Variants in GPR149 observed in about 807,000 individuals in gnomAD.
GPR149 encodes probable G protein-coupled receptor 149.
In GPR149, 50 loss-of-function variants were observed where a neutral mutation model predicts 50.2. The observed-to-expected ratio is 1.00, with a 90% CI of 0.79 to 1.26. The LOEUF is 1.26. Among genes scored for constraint, GPR149 ranks in the 50% most tolerant of loss-of-function variants. GPR149 has a pLI of 0.00. For missense variants in GPR149, 983 were observed against 895.4 expected (o/e 1.10, Z -1.25); for synonymous variants, 405 against 358.2 (o/e 1.13, Z -1.48).
Position 154,428,730 on chromosome 3 carries a change from G to C in GPR149, c.886C>G (p.Leu296Val). ...ACGGTGAAGCTCCTGGTGCCATAGA[G>C]AGTCCCCCGGTTCTCACGCCTGCAG... Reference protein sequence around the residue: ...EACRRENRGTLYGTRSFTVSV... With the variant: ...EACRRENRGTVYGTRSFTVSV... The change falls in exon 1 of 4, where the codon CTC becomes GTC. Residue 296 changes from leucine to valine, a missense_variant. Coordinates refer to ENST00000389740, the MANE Select transcript of GPR149 (RefSeq NM_001038705.3). 1.9e-6 allele frequency: 3 copies of C among 1,614,100 alleles called. No homozygotes were observed. Among genetic ancestry groups the C allele is most frequent in the Non-Finnish European group, 2.5e-6 (3 of 1,180,030 alleles).
intron 3 of GPR149, 102 bp from the exon 4 acceptor site, chr3:154,338,373 C>A: frequency 1.1e-6 from 1 of 922,122 alleles, no homozygotes. Context: ...TTTTCTATTT[C>A]AGATCCATTT....
intron 3 of GPR149, among the ~76,000 whole-genome samples, chr3:154,379,053 ACAAGG>A (rs1714860356): frequency 1.2e-4 from 1 of 8,626 alleles, no homozygotes. Flanking sequence ...ATCCTGGCTA[ACAAGG>A]TGAAACCCCG....
intron 3 of GPR149, chr3:154,354,168 C>T: frequency 2.0e-6 from 1 of 493,048 alleles, no homozygotes; most frequent in Non-Finnish European, 3.9e-6. Flanking sequence ...GCATCCAGGT[C>T]ATCTATAACA....
At chr3:154,415,815 A>G (rs1339760853) in intron 3 of GPR149, among the ~76,000 whole-genome samples, 1 of 151,938 alleles carries the variant, frequency 6.6e-6, no homozygotes, top group Admixed American at 6.6e-5. Flanking sequence ...TTGTACTTTT[A>G]AAAAACTAGG....
At position 154,429,228 on chromosome 3, in the gene GPR149, T is replaced by G. The variant is rs758595092; in HGVS notation, c.388A>C (p.Asn130His). ...NLKATLLVSY[N>H]FYTMHRGVGS... ...ACACCTCTGTGCATCGTATAAAAGTTGTAAGAGACTAGGAGAGTCGCCTTC... is the reference window on the plus strand; with the variant it reads ...ACACCTCTGTGCATCGTATAAAAGTGGTAAGAGACTAGGAGAGTCGCCTTC... Residue 130 changes from asparagine (N) to histidine (H), a missense_variant, in exon 1 of 4, where the codon AAC becomes CAC. Asn to His is a moderately conservative substitution (Grantham distance 68). Transcript: ENST00000389740. 15 of 1,614,038 alleles carry G rather than the reference T, an allele frequency of 9.3e-6. No homozygotes were observed. In the Admixed American group the frequency reaches 2.5e-4, roughly 27 times the overall value.
In GPR149 at chr3:154,428,740, G is replaced by C. The variant is rs752957163; in HGVS notation, c.876C>G (p.Asn292Lys). 1.2e-6 allele frequency: 2 copies of C among 1,614,074 alleles called. No individual in the cohort carries two copies. Among genetic ancestry groups the C allele is most frequent in the East Asian group, 4.5e-5 (2 of 44,854 alleles). ...TCCTGGTGCCATAGAGAGTCCCCCG[G>C]TTCTCACGCCTGCAGGCTTCAGCCC... ...AAGAEACRRE[N>K]RGTLYGTRSF... Residue 292 changes from asparagine (N) to lysine (K), a missense_variant, in exon 1 of 4, where the codon AAC becomes AAG. Physicochemically the swap from Asn to Lys is moderately conservative, Grantham distance 94. Coordinates refer to ENST00000389740, the MANE Select transcript of GPR149 (RefSeq NM_001038705.3).
At chr3:154,381,360 T>C (rs1463149306) in intron 3 of GPR149, among the ~76,000 whole-genome samples, 3 of 152,148 alleles carry the variant, frequency 2.0e-5, no homozygotes, top group Non-Finnish European at 4.4e-5. Context: ...TTGCTCCTCA[T>C]ATACTTGCTT....
intron 3 of GPR149, among the ~76,000 whole-genome samples, chr3:154,361,180 T>C (rs988100685): frequency 1.3e-5 from 2 of 152,272 alleles, no homozygotes; most frequent in South Asian, 2.1e-4. Context: ...TAACTGAAAA[T>C]TCTAGTGGTA....
In GPR149 at chr3:154,335,949, AT is replaced by A. The variant is rs776323848; in HGVS notation, c.*1749del. 22 of 152,136 alleles carry A rather than the reference AT, an allele frequency of 1.4e-4. No homozygotes were observed. Among genetic ancestry groups the A allele is most frequent in the Non-Finnish European group, 2.6e-4 (18 of 67,954 alleles). 9.4% of individuals were successfully genotyped at this position (152,136 alleles called of 1,614,324 possible). A position where few individuals can be genotyped will look rare whatever the true frequency, so the allele number is the denominator to read the frequency against. ...ATCTTCTACAAAGCATTATGAGAAT[AT>A]TCAATTCAATTTTTCTTTTATAAAG... On this transcript the variant is annotated 3_prime_UTR_variant, in exon 4 of 4. Coordinates refer to ENST00000389740, the MANE Select transcript of GPR149 (RefSeq NM_001038705.3).
chr3:154,388,963 C>T (rs1343002818), intron 3 of GPR149, among the ~76,000 whole-genome samples: 1 of 151,540 alleles, frequency 6.6e-6, no homozygotes, highest in Non-Finnish European at 1.5e-5. Context: ...GGAGTTAATC[C>T]AGGTGAGGAG....
chr3:154,338,383 TC>T (rs1713707818), intron 3 of GPR149, 112 bp from the exon 4 acceptor site: 1 of 851,770 alleles, frequency 1.2e-6, no homozygotes, highest in Non-Finnish European at 1.7e-6. Flanking sequence ...CAGATCCATT[TC>T]CCTAGAAACA....
chr3:154,382,206 G>T (rs1030562107), intron 3 of GPR149, among the ~76,000 whole-genome samples: 12 of 152,182 alleles, frequency 7.9e-5, no homozygotes, highest in Non-Finnish European at 1.3e-4. Flanking sequence ...CACCAGTGAT[G>T]CTGAGCAGGA....
At chr3:154,392,062 T>G (rs1393072222) in intron 3 of GPR149, among the ~76,000 whole-genome samples, 5 of 151,384 alleles carry the variant, frequency 3.3e-5, no homozygotes, top group Non-Finnish European at 5.9e-5. Context: ...AATATGATAA[T>G]TGTGAGAGAC....
chr3:154,358,496 A>G (rs1397295043), intron 3 of GPR149, among the ~76,000 whole-genome samples: 1 of 152,166 alleles, frequency 6.6e-6, no homozygotes, highest in Non-Finnish European at 1.5e-5. Flanking sequence ...CCCCAAAGAA[A>G]TTACAGATCC....
chr3:154,394,180 G>C (rs1459178350), intron 3 of GPR149, among the ~76,000 whole-genome samples: 1 of 152,060 alleles, frequency 6.6e-6, no homozygotes, highest in African/African-American at 2.4e-5. Context: ...CAAGGCTATA[G>C]TAATTTAAAC....
chr3:154,351,217 T>C (rs565122402), intron 3 of GPR149, among the ~76,000 whole-genome samples: 2 of 142,040 alleles, frequency 1.4e-5, no homozygotes, highest in South Asian at 4.5e-4. Flanking sequence ...CACTCAAATA[T>C]ACCCAACTGA....
chr3:154,341,043 G>A (rs993613818), intron 3 of GPR149, among the ~76,000 whole-genome samples: 2 of 151,924 alleles, frequency 1.3e-5, no homozygotes, highest in African/African-American at 4.8e-5. Flanking sequence ...TTAAAACCTT[G>A]CTTTCTGAGT....
chr3:154,426,138 T>C (rs918953383), intron 2 of GPR149, among the ~76,000 whole-genome samples: 3 of 152,224 alleles, frequency 2.0e-5, no homozygotes, highest in Non-Finnish European at 4.4e-5. Context: ...ATTAATTTTC[T>C]CTGTCACTGT....
At chr3:154,349,495 G>T (rs1465742346) in intron 3 of GPR149, among the ~76,000 whole-genome samples, 1 of 152,122 alleles carries the variant, frequency 6.6e-6, no homozygotes, top group African/African-American at 2.4e-5. Flanking sequence ...CAACTTACAT[G>T]AAATAGATTG....
Sources: gnomAD v4.1 joint callset for allele counts (sites outside exome capture counted in the v4.1 genomes callset) on GRCh38, gnomAD v4.1.1 for gene constraint, MANE v1.5 for transcripts, NCBI Gene and HGNC (gene_info 2026-07-23, HGNC 2026-07-21) for gene names.